Variants in SND1 observed in about 807,000 individuals in gnomAD.
SND1 encodes the protein staphylococcal nuclease domain-containing protein 1.
SND1 carries 38 observed loss-of-function variants against 121.7 expected under a neutral mutation model. The observed-to-expected ratio is 0.31, with a 90% CI of 0.24 to 0.41. The LOEUF (loss-of-function observed/expected upper bound fraction) is 0.41, where lower values mean the gene tolerates loss of function less well. SND1 is among the 10% of genes least tolerant of loss of function. SND1 has a pLI of 1.00. For missense variants in SND1, 868 were observed against 1,184.6 expected, an observed-to-expected ratio of 0.73 and a Z score of 3.92; for synonymous variants, 401 against 447.4, an observed-to-expected ratio of 0.90 and a Z score of 1.31.
chr7:127,662,591 G>GT (rs1395326485), intron 1 of SND1, among the ~76,000 whole-genome samples: 1 of 152,070 alleles, frequency 6.6e-6, no homozygotes, highest in African/African-American at 2.4e-5. Flanking sequence ...TACCTTAGCT[G>GT]TTTATTTCTT....
intron 11 of SND1, among the ~76,000 whole-genome samples, chr7:127,810,434 T>C (rs1798316081): frequency 6.6e-6 from 1 of 152,216 alleles, no homozygotes; most frequent in Non-Finnish European, 1.5e-5. Flanking sequence ...CTGTTTACCA[T>C]CTGCCCTCTT....
chr7:128,012,211 G>A (rs546609849), intron 16 of SND1, among the ~76,000 whole-genome samples: 1 of 152,214 alleles, frequency 6.6e-6, no homozygotes, highest in Admixed American at 6.5e-5. Context: ...GGTAGGTGGG[G>A]GACAGGATGG....
chr7:127,904,665 C>G, intron 13 of SND1, 82 bp from the exon 14 acceptor site: 1 of 866,076 alleles, frequency 1.2e-6, no homozygotes, highest in Non-Finnish European at 2.0e-6. Flanking sequence ...ACAACCCTCG[C>G]TTCTCTCTTC....
intron 10 of SND1, among the ~76,000 whole-genome samples, chr7:127,769,998 G>C (rs538231088): frequency 7.9e-5 from 12 of 152,252 alleles, no homozygotes; most frequent in South Asian, 2.1e-4. Context: ...ATTCATGTGA[G>C]GTATCCTTCT....
chr7:127,943,463 T>G (rs1268679174), intron 15 of SND1, among the ~76,000 whole-genome samples: 3 of 152,258 alleles, frequency 2.0e-5, no homozygotes, highest in Admixed American at 1.3e-4. Flanking sequence ...TGGTCCATTT[T>G]GGGTCCATTG....
At chr7:127,716,492 GT>G (rs975682366) in intron 9 of SND1, among the ~76,000 whole-genome samples, 108 of 140,496 alleles carry the variant, frequency 7.7e-4, no homozygotes, top group African/African-American at 1.1e-3. Context: ...ATTTTCTTAG[GT>G]TTTTTTTTTT....
At chr7:127,890,345 A>G (rs1169943986) in intron 13 of SND1, among the ~76,000 whole-genome samples, 1 of 152,058 alleles carries the variant, frequency 6.6e-6, no homozygotes, top group East Asian at 1.9e-4. Context: ...TGTCTATTCA[A>G]ATATTTTGCC....
At chr7:127,708,456 G>A (rs1416023280) in intron 9 of SND1, among the ~76,000 whole-genome samples, 1 of 150,640 alleles carries the variant, frequency 6.6e-6, no homozygotes, top group Non-Finnish European at 1.5e-5. Flanking sequence ...GCTGAAGAGA[G>A]ATAAATGCAT....
rs1793678470 is a variant in SND1 at position 128,085,820 on chromosome 7, C to T, written c.2304+40C>T. 1 of 1,529,592 alleles carries T rather than the reference C, an allele frequency of 6.5e-7. No individual in the cohort carries two copies. Among genetic ancestry groups the T allele is most frequent in the Admixed American group, 1.7e-5 (1 of 59,868 alleles). The allele number at this position is 1,529,592 out of a possible 1,614,324, so 94.8% of individuals were successfully genotyped here. ...CCAGAGTGTTGGAGGGGCTATCAAACACAGCAGCCCCCGAGTCAAATCCAT... is the reference window on the plus strand; with the variant it reads ...CCAGAGTGTTGGAGGGGCTATCAAATACAGCAGCCCCCGAGTCAAATCCAT... On this transcript the variant is annotated intron_variant, in intron 20 of 23. Coordinates refer to ENST00000354725, the MANE Select transcript of SND1 (RefSeq NM_014390.4). The surrounding 1 kb of genome is among the most constrained non-coding windows in gnomAD (Gnocchi z 4.4).
intron 10 of SND1, among the ~76,000 whole-genome samples, chr7:127,734,492 C>T (rs1016241531): frequency 2.6e-5 from 4 of 152,152 alleles, no homozygotes; most frequent in African/African-American, 7.2e-5. Flanking sequence ...TAGCTGAACT[C>T]GGTAAGGCAG....
At chr7:127,964,531 T>C (rs1376310941) in intron 15 of SND1, among the ~76,000 whole-genome samples, 1 of 151,574 alleles carries the variant, frequency 6.6e-6, no homozygotes, top group African/African-American at 2.4e-5. Flanking sequence ...CCATTGCTTG[T>C]TTTTCTCAGG....
chr7:128,006,000 T>A (rs1802964761), intron 16 of SND1, among the ~76,000 whole-genome samples: 1 of 152,210 alleles, frequency 6.6e-6, no homozygotes, highest in African/African-American at 2.4e-5. Flanking sequence ...GTGAACTGGC[T>A]CTGCTTTTGC....
At chr7:127,797,989 GC>G (rs1160901208) in intron 10 of SND1, among the ~76,000 whole-genome samples, 3 of 152,130 alleles carry the variant, frequency 2.0e-5, no homozygotes, top group Non-Finnish European at 1.5e-5. Flanking sequence ...AATAGCAAGT[GC>G]TTCTGAAATA....
chr7:128,068,827 A>G (rs187484768), intron 16 of SND1, among the ~76,000 whole-genome samples: 42 of 152,346 alleles, frequency 2.8e-4, no homozygotes, highest in South Asian at 6.2e-4. Flanking sequence ...ATTAGGAGAC[A>G]TGGAAATTAA....
intron 16 of SND1, among the ~76,000 whole-genome samples, chr7:128,051,331 T>TGA (rs143237094): frequency 2.0e-5 from 3 of 151,528 alleles, no homozygotes; most frequent in Non-Finnish European, 2.9e-5. Flanking sequence ...CCTGTAAGTA[T>TGA]GAGAGAGAGA....
chr7:127,906,290 G>T lies in SND1; in HGVS notation c.1527+1471G>T, dbSNP rs147728770. On this transcript the variant is annotated intron_variant, in intron 14 of 23. Transcript: ENST00000354725. Reference sequence around the variant, plus strand: ...CCTTTGAGCCACAGGTAACTATGGTGTATCTGCTAATGTTCATTTTTAACA... The same window carrying T: ...CCTTTGAGCCACAGGTAACTATGGTTTATCTGCTAATGTTCATTTTTAACA... 2.0e-4 allele frequency among the ~76,000 whole-genome samples: 30 copies of T among 152,236 alleles called. No homozygotes were observed. The East Asian group carries it at 5.2e-3, about 26-fold the overall frequency.
At chr7:127,861,987 A>G (rs1292048821) in intron 12 of SND1, among the ~76,000 whole-genome samples, 1 of 152,240 alleles carries the variant, frequency 6.6e-6, no homozygotes, top group Non-Finnish European at 1.5e-5. Context: ...GACTATGTCT[A>G]GCAATAAGAC....
At chr7:128,041,915 G>T (rs1792861313) in intron 16 of SND1, among the ~76,000 whole-genome samples, 1 of 152,148 alleles carries the variant, frequency 6.6e-6, no homozygotes, top group Non-Finnish European at 1.5e-5. Context: ...TTTCATCTTG[G>T]TCTACTTTAA....
intron 10 of SND1, among the ~76,000 whole-genome samples, chr7:127,739,599 A>G (rs1447184399): frequency 6.6e-6 from 1 of 152,182 alleles, no homozygotes; most frequent in African/African-American, 2.4e-5. Flanking sequence ...CAAAATGCCC[A>G]CCAGGGGAGA....
Sources: allele counts gnomAD v4.1 joint callset (sites outside exome capture counted in the v4.1 genomes callset), GRCh38; gene constraint gnomAD v4.1.1; non-coding constraint Gnocchi (gnomAD v3.1); transcripts MANE v1.5; gene names NCBI Gene and HGNC (gene_info 2026-07-23, HGNC 2026-07-21).